The following EPB41L2 variants were observed in gnomAD, a reference collection of about 807,000 sequenced individuals.
EPB41L2 encodes band 4.1-like protein 2.
A neutral mutation model predicts 113.0 loss-of-function variants in EPB41L2; 43 were observed. The ratio of observed to expected loss-of-function variants is 0.38; its 90% CI spans 0.30 to 0.49. The LOEUF is 0.49. Ranked by LOEUF, EPB41L2 falls within the 20% of genes least tolerant of loss-of-function variation. EPB41L2 has a pLI of 0.95. For missense variants in EPB41L2, 1,147 were observed against 1,223.4 expected, an observed-to-expected ratio of 0.94 and a Z score of 0.93; for synonymous variants, 442 against 436.7, an observed-to-expected ratio of 1.01 and a Z score of -0.15.
intron 1 of EPB41L2, among the ~76,000 whole-genome samples, chr6:130,975,768 A>T (rs1445727402): frequency 2.6e-5 from 4 of 152,184 alleles, no homozygotes; most frequent in Non-Finnish European, 4.4e-5. Context: ...TCACGCCTGT[A>T]ATCCCAGCAC....
At chr6:130,924,482 G>A (rs1273649224) in intron 4 of EPB41L2, among the ~76,000 whole-genome samples, 2 of 151,848 alleles carry the variant, frequency 1.3e-5, no homozygotes, top group Non-Finnish European at 2.9e-5. Context: ...GGGTTCAAAC[G>A]ATTCTCCTGC....
At chr6:130,994,816 C>T (rs975397468) in intron 1 of EPB41L2, among the ~76,000 whole-genome samples, 9 of 152,164 alleles carry the variant, frequency 5.9e-5, no homozygotes, top group South Asian at 2.1e-4. Flanking sequence ...TTTAAAGTCA[C>T]GCCTCTGCTC....
chr6:130,881,212 C>A (rs1312389034), intron 12 of EPB41L2: 1 of 152,070 alleles, frequency 6.6e-6, no homozygotes, highest in African/African-American at 2.4e-5. Context: ...ATCATTTAAC[C>A]TTTATAGGTT....
At chr6:131,013,149 A>T (rs1254394251) in intron 1 of EPB41L2, among the ~76,000 whole-genome samples, 1 of 152,178 alleles carries the variant, frequency 6.6e-6, no homozygotes, top group East Asian at 1.9e-4. Flanking sequence ...AGTTACACAT[A>T]TTATTTTGTA....
At chr6:130,876,862 G>C in intron 14 of EPB41L2, 2 of 712,350 alleles carry the variant, frequency 2.8e-6, no homozygotes, top group Non-Finnish European at 4.1e-6. Context: ...CTGACCCAGT[G>C]TGGGTCAATG....
At chr6:131,048,086 C>T (rs1320132923) in intron 1 of EPB41L2, among the ~76,000 whole-genome samples, 3 of 135,754 alleles carry the variant, frequency 2.2e-5, no homozygotes, top group Admixed American at 8.1e-5. Context: ...TGCAGTGAGC[C>T]GAGATCGCGC....
intron 1 of EPB41L2, among the ~76,000 whole-genome samples, chr6:131,021,149 G>A (rs1789386668): frequency 6.6e-6 from 1 of 152,056 alleles, no homozygotes; most frequent in Non-Finnish European, 1.5e-5. Flanking sequence ...TCACTTCATG[G>A]GAGTTTAGTT....
intron 4 of EPB41L2, among the ~76,000 whole-genome samples, chr6:130,924,173 G>A (rs1803832984): frequency 6.6e-6 from 1 of 152,160 alleles, no homozygotes; most frequent in Non-Finnish European, 1.5e-5. Context: ...TCTCAAGGCT[G>A]AGTAGGTATT....
intron 1 of EPB41L2, among the ~76,000 whole-genome samples, chr6:130,996,743 A>G (rs1783219392): frequency 6.6e-6 from 1 of 152,256 alleles, no homozygotes; most frequent in African/African-American, 2.4e-5. Context: ...CTATGTGAAC[A>G]TATTCACAGA....
intron 4 of EPB41L2, 38 bp from the exon 5 acceptor site, chr6:130,908,901 C>A: frequency 6.8e-7 from 1 of 1,477,732 alleles, no homozygotes; most frequent in South Asian, 1.2e-5. Flanking sequence ...AAGAAATATT[C>A]TAGAGTCTAA....
chr6:131,059,248 G>A (rs1041137492), intron 1 of EPB41L2, among the ~76,000 whole-genome samples: 1 of 151,732 alleles, frequency 6.6e-6, no homozygotes, highest in South Asian at 2.1e-4. Context: ...CCGAGTAGCT[G>A]GGACTACAGA....
intron 1 of EPB41L2, among the ~76,000 whole-genome samples, chr6:130,995,503 AAAT>A (rs1482963134): frequency 2.6e-5 from 4 of 152,314 alleles, no homozygotes; most frequent in Admixed American, 2.0e-4. Context: ...CCTGTCTCAA[AAAT>A]AATAATAAAA....
At chr6:130,894,876 T>A in intron 9 of EPB41L2, 91 bp downstream of exon 9, 1 of 1,314,012 alleles carries the variant, frequency 7.6e-7, no homozygotes, top group Non-Finnish European at 1.0e-6. Context: ...TTTATTTTCT[T>A]AAAATTTTAG....
chr6:131,014,163 G>C (rs1787680421), intron 1 of EPB41L2: 1 of 151,586 alleles, frequency 6.6e-6, no homozygotes, highest in South Asian at 2.1e-4. Flanking sequence ...AAAGACATCT[G>C]AGCAAGTCAC....
At chr6:130,910,217 T>C (rs1460231497) in intron 4 of EPB41L2, among the ~76,000 whole-genome samples, 1 of 152,030 alleles carries the variant, frequency 6.6e-6, no homozygotes, top group Non-Finnish European at 1.5e-5. Flanking sequence ...GCCTCAGAAA[T>C]AACACCACAC....
chr6:130,883,878 C>T (rs1270312159), intron 12 of EPB41L2, among the ~76,000 whole-genome samples: 1 of 152,168 alleles, frequency 6.6e-6, no homozygotes, highest in Non-Finnish European at 1.5e-5. Context: ...TAGCACTTGA[C>T]CTTGTGGCAC....
At chr6:131,020,489 C>A (rs1409599643) in intron 1 of EPB41L2, among the ~76,000 whole-genome samples, 1 of 152,148 alleles carries the variant, frequency 6.6e-6, no homozygotes, top group Non-Finnish European at 1.5e-5. Context: ...TCCTCCTTGA[C>A]CCAAAGTGAT....
chr6:130,878,155 A>G lies in EPB41L2; in HGVS notation c.1992T>C (p.Pro664=). The G allele has an allele frequency of 6.2e-7, 1 of 1,613,556 alleles. No homozygotes were observed. Among genetic ancestry groups the G allele is most frequent in the Non-Finnish European group, 8.5e-7 (1 of 1,179,810 alleles). ...NFMESTPEPR[P]NEWEKRRITP... ...TGATACGTCGTTTTTCCCATTCATT[A>G]GGGCGCGGCTCAGGTGTGGATTCCA... The change falls in exon 14 of 20, where the codon CCT becomes CCC. Residue 664 remains proline (P), a synonymous_variant. Coordinates refer to ENST00000337057, the MANE Select transcript of EPB41L2 (RefSeq NM_001431.4).
chr6:130,839,669 A>G lies in EPB41L2; in HGVS notation c.*935T>C, dbSNP rs1774949980. 1 of 152,246 alleles carries G rather than the reference A, an allele frequency of 6.6e-6. No individual in the cohort carries two copies. Among genetic ancestry groups the G allele is most frequent in the Non-Finnish European group, 1.5e-5 (1 of 68,044 alleles). The allele number at this position is 152,246 out of a possible 1,614,324, so 9.4% of individuals were successfully genotyped here. On this transcript the variant is annotated 3_prime_UTR_variant, in exon 20 of 20. Transcript: ENST00000337057. The stretch of plus-strand genomic sequence containing the variant: ...AACAAAAGGTAAGTTTTACATGTGT[A>G]GACAAAGAGGTTTAATACAAAGCAA...
Sources: allele counts gnomAD v4.1 joint callset (sites outside exome capture counted in the v4.1 genomes callset), GRCh38; gene constraint gnomAD v4.1.1; transcripts MANE v1.5; gene names NCBI Gene and HGNC (gene_info 2026-07-23, HGNC 2026-07-21).